ARHGAP39: variants seen among roughly 807,000 people sequenced by gnomAD.
The protein encoded by ARHGAP39 is rho GTPase-activating protein 39.
In ARHGAP39, 44 loss-of-function variants were observed where a neutral mutation model predicts 106.9. The observed-to-expected ratio is 0.41, with a 90% CI of 0.32 to 0.53. The LOEUF (loss-of-function observed/expected upper bound fraction) is 0.53, where lower values mean the gene tolerates loss of function less well. ARHGAP39 is among the 20% of genes least tolerant of loss of function. The pLI, the probability that ARHGAP39 is intolerant of heterozygous loss-of-function variation, is 0.21. For missense variants in ARHGAP39, 1,496 were observed against 1,577.3 expected, an observed-to-expected ratio of 0.95 and a Z score of 0.87; for synonymous variants, 768 against 693.2, an observed-to-expected ratio of 1.11 and a Z score of -1.69.
rs766728918 is a variant in ARHGAP39 at position 144,545,603 on chromosome 8, T to C, written c.2167A>G (p.Ser723Gly). The change falls in exon 6 of 12, where the codon AGC (serine) becomes GGC (glycine). Residue 723 changes from serine (S) to glycine (G), a missense_variant. Around this residue, in one of 4 missense-constraint regions of ARHGAP39, gnomAD observed 470 missense variants for 605.1 expected, o/e 0.78. Coordinates refer to ENST00000377307, the MANE Select transcript of ARHGAP39 (RefSeq NM_025251.3). ...KVSIANMLAW[S>G]SESIKKPMIV... Reference sequence around the variant, plus strand: ...ATGGGCTTCTTGATGGACTCGCTGCTCCAGGCCAGCATGTTGGCGATGGAC... The same window carrying C: ...ATGGGCTTCTTGATGGACTCGCTGCCCCAGGCCAGCATGTTGGCGATGGAC... 1 of 1,613,708 alleles carries C rather than the reference T, an allele frequency of 6.2e-7. No homozygotes were observed. Among genetic ancestry groups the C allele is most frequent in the Admixed American group, 1.7e-5 (1 of 60,014 alleles).
intron 1 of ARHGAP39, among the ~76,000 whole-genome samples, chr8:144,616,441 C>T (rs890622215): frequency 1.3e-5 from 2 of 152,240 alleles, no homozygotes; most frequent in African/African-American, 4.8e-5. Flanking sequence ...AACAGAGGCT[C>T]AGGCACTACA....
At chr8:144,580,651 G>C (rs987961194) in intron 3 of ARHGAP39, among the ~76,000 whole-genome samples, 195 bp downstream of exon 3, 1 of 119,666 alleles carries the variant, frequency 8.4e-6, no homozygotes, top group Admixed American at 8.6e-5. Context: ...CACCAGTCCC[G>C]CTCTCACGTG....
At position 144,586,947 on chromosome 8, in the gene ARHGAP39, A is replaced by C. The variant is rs1819204004; in HGVS notation, c.81-5670T>G. On this transcript the variant is annotated intron_variant, in intron 2 of 11. Coordinates refer to ENST00000377307, the MANE Select transcript of ARHGAP39 (RefSeq NM_025251.3). This position sits in a 1 kb window ranked among gnomAD's most constrained non-coding sequence, Gnocchi z 4.2. The stretch of plus-strand genomic sequence containing the variant: ...TCCCACAACCCCCAAGTGTAGTGGG[A>C]GGGAACAAGTGGAGGTAACTGAATC... Among the ~76,000 whole-genome samples the C allele has an allele frequency of 6.6e-6, 1 of 152,160 alleles. No homozygotes were observed. Among genetic ancestry groups the C allele is most frequent in the Non-Finnish European group, 1.5e-5 (1 of 68,018 alleles).
upstream of ARHGAP39, among the ~76,000 whole-genome samples, chr8:144,686,994 TGGCGGCGAC>T (rs1822613683): frequency 5.9e-5 from 5 of 84,858 alleles, no homozygotes; most frequent in South Asian, 3.8e-4. Flanking sequence ...GACCACACAC[TGGCGGCGAC>T]CATTTCCCAC....
rs371031019 is a variant in ARHGAP39 at position 144,548,449 on chromosome 8, T to C, written c.637A>G (p.Met213Val). Reference sequence around the variant, plus strand: ...TCCCGATCAGCGACCTTGATGAGCATGCGCTCTTTGGCGCCCGAGTTCCAC... The same window carrying C: ...TCCCGATCAGCGACCTTGATGAGCACGCGCTCTTTGGCGCCCGAGTTCCAC... Reference protein sequence around the residue: ...LRWNSGAKERMLIKVADREPS... With the variant: ...LRWNSGAKERVLIKVADREPS... Residue 213 changes from methionine to valine, a missense_variant, in exon 5 of 12, where the codon ATG becomes GTG. This residue lies in a region of ARHGAP39 where 905 missense variants were observed against 816.4 expected (regional missense o/e 1.11). Coordinates refer to ENST00000377307, the MANE Select transcript of ARHGAP39 (RefSeq NM_025251.3). This position sits in a 1 kb window ranked among gnomAD's most constrained non-coding sequence, Gnocchi z 7.4. The C allele has an allele frequency of 3.1e-6, 5 of 1,610,600 alleles. No individual in the cohort carries two copies. The highest frequency in any genetic ancestry group is 4.5e-5 in the East Asian group (2 of 44,862).
In ARHGAP39 at chr8:144,547,531, C is replaced by G; in HGVS notation, c.1555G>C (p.Glu519Gln). 5.4e-6 allele frequency: 8 copies of G among 1,481,012 alleles called. No homozygotes were observed. Among genetic ancestry groups the G allele is most frequent in the Non-Finnish European group, 7.1e-6 (8 of 1,119,422 alleles). 91.7% of individuals were successfully genotyped at this position (1,481,012 alleles called of 1,614,324 possible). Reference sequence around the variant, plus strand: ...GGCTGTTCCTCGGCCAGGGGCTGCTCCACAAGCAGGTCCCCGGGGCCCTCA... The same window carrying G: ...GGCTGTTCCTCGGCCAGGGGCTGCTGCACAAGCAGGTCCCCGGGGCCCTCA... ...PTEGPGDLLVEQPLAEEQPPC... is the reference protein window; with the variant it reads ...PTEGPGDLLVQQPLAEEQPPC... Residue 519 changes from glutamate (E) to glutamine (Q), a missense_variant, in exon 5 of 12, where the codon GAG (glutamate) becomes CAG (glutamine). This residue lies in a region of ARHGAP39 where 905 missense variants were observed against 816.4 expected (regional missense o/e 1.11). Transcript: ENST00000377307. The surrounding 1 kb of genome is among the most constrained non-coding windows in gnomAD (Gnocchi z 5.2).
intron 1 of ARHGAP39, among the ~76,000 whole-genome samples, chr8:144,674,947 C>G (rs1425239516): frequency 6.6e-6 from 1 of 152,158 alleles, no homozygotes; most frequent in Non-Finnish European, 1.5e-5. Context: ...AGGAGGCTGG[C>G]CTGCTTCTGA....
In ARHGAP39 at chr8:144,671,867, A is replaced by G. The variant is rs1822109632; in HGVS notation, c.-82+13819T>C. Among the ~76,000 whole-genome samples the G allele has an allele frequency of 6.6e-6, 1 of 152,216 alleles. No individual in the cohort carries two copies. The highest frequency in any genetic ancestry group is 1.5e-5 in the Non-Finnish European group (1 of 68,036). On this transcript the variant is annotated intron_variant, in intron 1 of 11. Coordinates refer to ENST00000377307, the MANE Select transcript of ARHGAP39 (RefSeq NM_025251.3). The surrounding 1 kb of genome is among the most constrained non-coding windows in gnomAD (Gnocchi z 4.5). Reference sequence around the variant, plus strand: ...GGCAAGTGGCTGGCACATACAGGCAACAGTAAAGACAGGGGCGAGATGAGT... The same window carrying G: ...GGCAAGTGGCTGGCACATACAGGCAGCAGTAAAGACAGGGGCGAGATGAGT...
chr8:144,556,511 A>G (rs1817925647), intron 3 of ARHGAP39, among the ~76,000 whole-genome samples: 1 of 152,270 alleles, frequency 6.6e-6, no homozygotes, highest in Admixed American at 6.5e-5. Flanking sequence ...TATCCAAATT[A>G]AACTCAAGGC....
rs1816548010 is a variant in ARHGAP39 at position 144,529,295 on chromosome 8, C to T, written c.*1127G>A. ...CCCGGGACCACCCGACTGAGGACGC[C>T]GCCCAGGCCTCGGCAGGGCTGGGGC... On this transcript the variant is annotated 3_prime_UTR_variant, in exon 12 of 12. Coordinates refer to ENST00000377307, the MANE Select transcript of ARHGAP39 (RefSeq NM_025251.3). The T allele has an allele frequency of 5.2e-6, 1 of 193,964 alleles. No individual in the cohort carries two copies. The highest frequency in any genetic ancestry group is 2.3e-5 in the African/African-American group (1 of 42,828). The allele number at this position is 193,964 out of a possible 1,614,324, so 12.0% of individuals were successfully genotyped here. A position where few individuals can be genotyped will look rare whatever the true frequency, so the allele number is the denominator to read the frequency against.
intron 1 of ARHGAP39, among the ~76,000 whole-genome samples, chr8:144,613,946 A>G (rs1253369228): frequency 6.6e-6 from 1 of 152,108 alleles, no homozygotes; most frequent in Non-Finnish European, 1.5e-5. Flanking sequence ...TGTTTGTTTT[A>G]AAGTATTTCT....
intron 1 of ARHGAP39, among the ~76,000 whole-genome samples, chr8:144,627,610 G>A (rs1265179734): frequency 6.6e-6 from 1 of 151,312 alleles, no homozygotes; most frequent in African/African-American, 2.4e-5. Flanking sequence ...AACAGCTGCT[G>A]CCAACTGGGC....
intron 3 of ARHGAP39, among the ~76,000 whole-genome samples, chr8:144,578,085 T>G (rs1038906656): frequency 6.6e-6 from 1 of 152,124 alleles, no homozygotes; most frequent in Non-Finnish European, 1.5e-5. Context: ...CTTGAAAAAT[T>G]AGAATAAAGC....
In ARHGAP39 at chr8:144,533,272, G is replaced by T; in HGVS notation, c.2742C>A (p.Phe914Leu). The T allele has an allele frequency of 6.2e-7, 1 of 1,613,164 alleles. No homozygotes were observed. The highest frequency in any genetic ancestry group is 8.5e-7 in the Non-Finnish European group (1 of 1,179,974). The change falls in exon 9 of 12, where the codon TTC becomes TTA. Residue 914 changes from phenylalanine (F) to leucine (L), a missense_variant. Phe to Leu is a conservative substitution (Grantham distance 22). Coordinates refer to ENST00000377307, the MANE Select transcript of ARHGAP39 (RefSeq NM_025251.3). ...EEIRHAKNAV[F>L]SPSMFGSALQ... is the part of the protein sequence containing the mutation. ...GTGCGCTGCCGAACATGGACGGGCTGAACACGGCGTTCTTGGCATGCCGGA... is the reference window on the plus strand; with the variant it reads ...GTGCGCTGCCGAACATGGACGGGCTTAACACGGCGTTCTTGGCATGCCGGA...
chr8:144,581,063 C>T lies in ARHGAP39; in HGVS notation c.295G>A (p.Asp99Asn), dbSNP rs1818968093. Reference sequence around the variant, plus strand: ...TGCAGCTTGGCCAGCGGGATGATGTCGCAGCCCTGCGGCCGGTGCCACACC... The same window carrying T: ...TGCAGCTTGGCCAGCGGGATGATGTTGCAGCCCTGCGGCCGGTGCCACACC... ...RTVWHRPQGC[D>N]IIPLAKLQTL... The change falls in exon 3 of 12, where the codon GAC becomes AAC. Residue 99 changes from aspartate to asparagine, a missense_variant. Physicochemically the swap from Asp to Asn is conservative, Grantham distance 23 (BLOSUM62 1). Around this residue, in one of 4 missense-constraint regions of ARHGAP39, gnomAD observed 25 missense variants for 48.0 expected, o/e 0.52. Transcript: ENST00000377307. 1.3e-6 allele frequency: 2 copies of T among 1,584,822 alleles called. No homozygotes were observed. Among genetic ancestry groups the T allele is most frequent in the South Asian group, 1.1e-5 (1 of 87,394 alleles).
chr8:144,603,655 A>G (rs1291771108), intron 2 of ARHGAP39, among the ~76,000 whole-genome samples: 5 of 147,794 alleles, frequency 3.4e-5, no homozygotes, highest in African/African-American at 1.3e-4. Flanking sequence ...ACGCCACTGC[A>G]CTCCAGCCTG....
chr8:144,562,090 ACTTACTCCAGTGGTTTCCATCG>A (rs1818199150), intron 3 of ARHGAP39, among the ~76,000 whole-genome samples: 1 of 133,686 alleles, frequency 7.5e-6, no homozygotes, highest in Admixed American at 7.6e-5. Context: ...TTTCCATCGG[ACTTACTCCAGTGGTTTCCATCG>A]GACTTACTCC....
chr8:144,602,887 G>A (rs1260092116), intron 2 of ARHGAP39, among the ~76,000 whole-genome samples: 3 of 137,676 alleles, frequency 2.2e-5, no homozygotes, highest in Non-Finnish European at 3.1e-5. Flanking sequence ...TGTGGTGTGT[G>A]TGAGAGCTCA....
At chr8:144,680,100 C>CT (rs1822364298) in intron 1 of ARHGAP39, among the ~76,000 whole-genome samples, 1 of 152,212 alleles carries the variant, frequency 6.6e-6, no homozygotes, top group East Asian at 1.9e-4. Context: ...CCACACATAA[C>CT]CAACCTTCTC....
Sources: gnomAD v4.1 joint callset for allele counts (sites outside exome capture counted in the v4.1 genomes callset) on GRCh38, gnomAD v4.1.1 for gene constraint, gnomAD v4.1.1 regional missense constraint, Gnocchi (gnomAD v3.1) non-coding constraint, MANE v1.5 for transcripts, NCBI Gene and HGNC (gene_info 2026-07-23, HGNC 2026-07-21) for gene names.